OSBPL10: variants seen among roughly 807,000 people sequenced by gnomAD.
The protein encoded by OSBPL10 is oxysterol-binding protein-related protein 10.
OSBPL10 carries 49 observed loss-of-function variants against 81.7 expected under a neutral mutation model. That is an observed-to-expected ratio of 0.60 (90% CI 0.48 to 0.76). The LOEUF is 0.76. Among genes scored for constraint, OSBPL10 ranks in the 30% least tolerant of loss-of-function variants. The pLI, the probability that OSBPL10 is intolerant of heterozygous loss-of-function variation, is 0.00. For synonymous variants in OSBPL10, 419 were observed against 383.6 expected (o/e 1.09, Z -1.08); for missense variants, 923 against 987.8 (o/e 0.93, Z 0.88).
chr3:31,886,344 C>T (rs1695735380), intron 1 of OSBPL10, among the ~76,000 whole-genome samples: 1 of 152,160 alleles, frequency 6.6e-6, no homozygotes. Flanking sequence ...CCTCTTAGTC[C>T]TGGTGAGGAT....
chr3:32,023,940 G>A (rs940486757), intron 2 of OSBPL10, among the ~76,000 whole-genome samples: 9 of 152,190 alleles, frequency 5.9e-5, no homozygotes, highest in Non-Finnish European at 8.8e-5. Flanking sequence ...ACTATAATAA[G>A]AATCTTAAAC....
intron 3 of OSBPL10, among the ~76,000 whole-genome samples, chr3:31,848,266 C>T (rs554120734): frequency 2.0e-5 from 3 of 151,836 alleles, no homozygotes; most frequent in South Asian, 4.2e-4. Flanking sequence ...CTCAGGCACA[C>T]GTTTTACCTT....
chr3:31,965,116 G>A (rs559270228), intron 1 of OSBPL10, among the ~76,000 whole-genome samples: 47 of 151,824 alleles, frequency 3.1e-4, no homozygotes, highest in African/African-American at 9.4e-4. Flanking sequence ...CCAGGCGGCC[G>A]GGGCGCACTT....
intron 5 of OSBPL10, among the ~76,000 whole-genome samples, chr3:31,737,279 G>T (rs887150366): frequency 5.9e-5 from 9 of 152,148 alleles, no homozygotes; most frequent in Non-Finnish European, 1.0e-4. Context: ...CTCATTTGGA[G>T]ACGAAGGCAA....
At chr3:31,955,607 A>G (rs1697986065) in intron 1 of OSBPL10, among the ~76,000 whole-genome samples, 1 of 152,158 alleles carries the variant, frequency 6.6e-6, no homozygotes, top group Non-Finnish European at 1.5e-5. Context: ...TCCTACACTC[A>G]ATCCTCTTCC....
chr3:31,983,031 C>T (rs894257315), upstream of OSBPL10, among the ~76,000 whole-genome samples: 34 of 152,216 alleles, frequency 2.2e-4, no homozygotes, highest in African/African-American at 7.7e-4. Context: ...AAGGACTCTC[C>T]TTAAGCTTGT....
At chr3:31,895,419 G>C (rs1339825502) in intron 1 of OSBPL10, among the ~76,000 whole-genome samples, 1 of 151,870 alleles carries the variant, frequency 6.6e-6, no homozygotes, top group African/African-American at 2.4e-5. Context: ...TTACAGACAT[G>C]AGCCACCGCA....
intron 1 of OSBPL10, among the ~76,000 whole-genome samples, chr3:31,929,617 A>G (rs1219470249): frequency 1.3e-5 from 2 of 151,796 alleles, no homozygotes; most frequent in African/African-American, 4.8e-5. Flanking sequence ...GCGTGGTGGC[A>G]GCCGCCTGTA....
intron 1 of OSBPL10, among the ~76,000 whole-genome samples, chr3:31,923,595 G>A (rs557608032): frequency 8.6e-5 from 13 of 151,994 alleles, no homozygotes; most frequent in Non-Finnish European, 1.8e-4. Context: ...TTCGAGACCA[G>A]ACTTGGAAAT....
At chr3:31,804,922 G>T (rs1258091228) in intron 4 of OSBPL10, among the ~76,000 whole-genome samples, 1 of 152,152 alleles carries the variant, frequency 6.6e-6, no homozygotes, top group African/African-American at 2.4e-5. Context: ...TGGTGGGAAT[G>T]ATTTTAATTC....
At chr3:32,054,357 T>C (rs1699690764) in intron 1 of OSBPL10, among the ~76,000 whole-genome samples, 1 of 152,146 alleles carries the variant, frequency 6.6e-6, no homozygotes, top group South Asian at 2.1e-4. Flanking sequence ...TATGAAATGG[T>C]ATTTGACTTT....
In OSBPL10 at chr3:31,898,006, CAAAAAAAAAAA is replaced by C. The variant is rs58479197; in HGVS notation, c.282-18187_282-18177del. On this transcript the variant is annotated intron_variant, in intron 1 of 11. Coordinates refer to ENST00000396556, the MANE Select transcript of OSBPL10 (RefSeq NM_017784.5). ...TTGGGTGACACAGCGAGAACTCTGT[CAAAAAAAAAAA>C]AAAAAAAAAAAAAAAAAAAACAGAA... 1.0e-3 allele frequency among the ~76,000 whole-genome samples: 63 copies of C among 62,472 alleles called. 1 individual carries two copies. Among genetic ancestry groups the C allele is most frequent in the South Asian group, 1.3e-3 (2 of 1,532 alleles). The allele number at this position is 62,472 out of a possible 152,430, so 41.0% of individuals were successfully genotyped here.
At chr3:31,782,395 A>G (rs1478718315) in intron 4 of OSBPL10, among the ~76,000 whole-genome samples, 3 of 152,220 alleles carry the variant, frequency 2.0e-5, no homozygotes, top group African/African-American at 7.2e-5. Context: ...TTCATTACCA[A>G]GAATCCACAA....
rs147991829 is a variant in OSBPL10 at position 31,847,892 on chromosome 3, G to A, written c.538-17661C>T. Among the ~76,000 whole-genome samples, 20 of 152,218 alleles carry A rather than the reference G, an allele frequency of 1.3e-4. No homozygotes were observed. In the East Asian group the frequency reaches 3.5e-3, roughly 27 times the overall value. ...CCCAGAAGCTGCAGCCAACCTGCAA[G>A]ACCAGACACACAGCGGGGCTGCCTG... On this transcript the variant is annotated intron_variant, in intron 3 of 11. Coordinates refer to ENST00000396556, the MANE Select transcript of OSBPL10 (RefSeq NM_017784.5).
intron 4 of OSBPL10, among the ~76,000 whole-genome samples, chr3:31,768,478 G>A (rs921226503): frequency 1.3e-5 from 2 of 152,066 alleles, no homozygotes; most frequent in East Asian, 1.9e-4. Flanking sequence ...ACCTTTAAAC[G>A]AAGCTTTTAG....
At chr3:31,831,811 A>C (rs927746136) in intron 3 of OSBPL10, among the ~76,000 whole-genome samples, 1 of 152,184 alleles carries the variant, frequency 6.6e-6, no homozygotes, top group African/African-American at 2.4e-5. Flanking sequence ...GAGAACAGCA[A>C]TCAGCAGACC....
At chr3:31,664,053 G>A (rs1163237280) in intron 11 of OSBPL10, 26 bp downstream of exon 11, 2 of 1,614,076 alleles carry the variant, frequency 1.2e-6, no homozygotes, top group Non-Finnish European at 1.7e-6. Context: ...CCTGGGCAAG[G>A]GACCAATGAC....
intron 6 of OSBPL10, among the ~76,000 whole-genome samples, chr3:31,722,120 C>T (rs1300305059): frequency 2.0e-5 from 3 of 152,054 alleles, no homozygotes; most frequent in Admixed American, 6.5e-5. Context: ...TAACTGCCAC[C>T]CCCTCAAAAT....
intron 1 of OSBPL10, among the ~76,000 whole-genome samples, chr3:31,889,828 A>T (rs1695843161): frequency 6.6e-6 from 1 of 152,280 alleles, no homozygotes; most frequent in South Asian, 2.1e-4. Flanking sequence ...AGAAATGATA[A>T]ATGTTTGAGA....
Sources: allele counts gnomAD v4.1 joint callset (sites outside exome capture counted in the v4.1 genomes callset), GRCh38; gene constraint gnomAD v4.1.1; transcripts MANE v1.5; gene names NCBI Gene and HGNC (gene_info 2026-07-23, HGNC 2026-07-21).